AIG1: variants seen among roughly 807,000 people sequenced by gnomAD.
AIG1 encodes the protein androgen induced 1, also known as androgen-induced gene 1 protein.
AIG1 carries 23 observed loss-of-function variants against 31.4 expected under a neutral mutation model. The ratio of observed to expected loss-of-function variants is 0.73; its 90% CI spans 0.53 to 1.04. AIG1 has a LOEUF of 1.04. Ranked by LOEUF, AIG1 falls within the 50% of genes least tolerant of loss-of-function variation. AIG1 has a pLI of 0.00. For synonymous variants in AIG1, 100 were observed against 110.5 expected (o/e 0.90, Z 0.60); for missense variants, 274 against 295.0 (o/e 0.93, Z 0.52).
intron 3 of AIG1, among the ~76,000 whole-genome samples, chr6:143,200,986 C>A (rs76921910): frequency 5.3e-5 from 8 of 152,090 alleles, no homozygotes; most frequent in Non-Finnish European, 1.0e-4. Flanking sequence ...GAAATTTGGA[C>A]TCCCACATCC....
chr6:143,082,565 A>G (rs1206499765), intron 1 of AIG1, among the ~76,000 whole-genome samples: 6 of 152,212 alleles, frequency 3.9e-5, no homozygotes, highest in Non-Finnish European at 8.8e-5. Flanking sequence ...TATGCTGTTC[A>G]CATCATGAGA....
At chr6:143,073,936 T>C (rs912743355) in intron 1 of AIG1, among the ~76,000 whole-genome samples, 1 of 152,154 alleles carries the variant, frequency 6.6e-6, no homozygotes, top group South Asian at 2.1e-4. Context: ...ACCTCCAACA[T>C]TGGGGATTAC....
intron 3 of AIG1, among the ~76,000 whole-genome samples, chr6:143,254,267 G>A (rs1167591298): frequency 6.6e-6 from 1 of 152,180 alleles, no homozygotes; most frequent in Admixed American, 6.5e-5. Context: ...TTGATTCTCA[G>A]TTGTACTGAA....
chr6:143,328,482 A>G lies in AIG1; in HGVS notation c.516-4800A>G, dbSNP rs1776787959. Among the ~76,000 whole-genome samples, 1 of 152,114 alleles carries G rather than the reference A, an allele frequency of 6.6e-6. No homozygotes were observed. The highest frequency in any genetic ancestry group is 2.4e-5 in the African/African-American group (1 of 41,414). On this transcript the variant is annotated intron_variant, in intron 4 of 5. Coordinates refer to ENST00000357847, the MANE Select transcript of AIG1 (RefSeq NM_016108.4). This position sits in a 1 kb window ranked among gnomAD's most constrained non-coding sequence, Gnocchi z 4.0. ...AAAAGTTGGGGAATAATCCCTGTGT[A>G]CCCATGGCACGCCTACACTTACCCT...
At chr6:143,176,422 T>G (rs1788165067) in intron 3 of AIG1, among the ~76,000 whole-genome samples, 1 of 152,166 alleles carries the variant, frequency 6.6e-6, no homozygotes, top group Admixed American at 6.5e-5. Context: ...AAGAGATTGT[T>G]TTTTGTCTTG....
At position 143,339,966 on chromosome 6, in the gene AIG1, T is replaced by A. The variant is rs1485220660; in HGVS notation, c.*290T>A. 4 of 271,788 alleles carry A rather than the reference T, an allele frequency of 1.5e-5. No homozygotes were observed. Among genetic ancestry groups the A allele is most frequent in the African/African-American group, 8.9e-5 (4 of 44,878 alleles). 16.8% of individuals were successfully genotyped at this position (271,788 alleles called of 1,614,324 possible). ...CAGAATTGGACCTTGGATTTTTATT[T>A]TGGCAATTGTAACTCCATCTAATCA... On this transcript the variant is annotated 3_prime_UTR_variant, in exon 6 of 6. Transcript: ENST00000357847.
chr6:143,270,770 C>G (rs1252452322), intron 3 of AIG1, among the ~76,000 whole-genome samples: 2 of 152,124 alleles, frequency 1.3e-5, no homozygotes, highest in African/African-American at 2.4e-5. Context: ...CTGAAATATT[C>G]TTCATTCTTT....
At chr6:143,218,742 C>T (rs1458199277) in intron 3 of AIG1, among the ~76,000 whole-genome samples, 2 of 152,154 alleles carry the variant, frequency 1.3e-5, no homozygotes, top group Non-Finnish European at 2.9e-5. Context: ...AAATGAAGGA[C>T]GCTTCATTCA....
chr6:143,278,248 A>C (rs906331717), intron 3 of AIG1, among the ~76,000 whole-genome samples: 3 of 152,218 alleles, frequency 2.0e-5, no homozygotes. Context: ...GTTAGAAGGT[A>C]CAACTACAAC....
At chr6:143,318,616 A>G (rs1562588944) in intron 4 of AIG1, among the ~76,000 whole-genome samples, 1 of 152,040 alleles carries the variant, frequency 6.6e-6, no homozygotes, top group South Asian at 2.1e-4. Context: ...TGCAATGAAA[A>G]CAAAGATAAA....
rs181768463 is a variant in AIG1 at position 143,333,880 on chromosome 6, T to C, written c.679+435T>C. Among the ~76,000 whole-genome samples the C allele has an allele frequency of 5.9e-5, 9 of 152,274 alleles. No homozygotes were observed. The highest frequency in any genetic ancestry group is 1.9e-4 in the African/African-American group (8 of 41,566). ...CACTTTCTATGTGGGTGCAGTCACCTGGGAGAGGTCTTACTACCATTCTGC... is the reference window on the plus strand; with the variant it reads ...CACTTTCTATGTGGGTGCAGTCACCCGGGAGAGGTCTTACTACCATTCTGC... On this transcript the variant is annotated intron_variant, in intron 5 of 5. Coordinates refer to ENST00000357847, the MANE Select transcript of AIG1 (RefSeq NM_016108.4). The surrounding 1 kb of genome is among the most constrained non-coding windows in gnomAD (Gnocchi z 4.6).
rs1338330295 is a variant in AIG1, at chr6:143,299,227, T to G, written c.515+15002T>G. ...GACATCCAGGACAGAGCAGTACCAC[T>G]TCTCCTTAGCATCATGTACAATTTC... On this transcript the variant is annotated intron_variant, in intron 4 of 5. Coordinates refer to ENST00000357847, the MANE Select transcript of AIG1 (RefSeq NM_016108.4). The surrounding 1 kb of genome is among the most constrained non-coding windows in gnomAD (Gnocchi z 4.1). 1 of 152,218 alleles carries G rather than the reference T, an allele frequency of 6.6e-6. No individual in the cohort carries two copies. Among genetic ancestry groups the G allele is most frequent in the East Asian group, 1.9e-4 (1 of 5,192 alleles). The allele number at this position is 152,218 out of a possible 1,614,324, so 9.4% of individuals were successfully genotyped here.
At chr6:143,257,565 T>A (rs930098021) in intron 3 of AIG1, among the ~76,000 whole-genome samples, 16 of 152,098 alleles carry the variant, frequency 1.1e-4, no homozygotes, top group Admixed American at 6.6e-4. Flanking sequence ...GCCTGCTTTT[T>A]TTGGTTTCTT....
intron 1 of AIG1, among the ~76,000 whole-genome samples, chr6:143,134,577 A>T (rs1268283768): frequency 6.6e-6 from 1 of 152,034 alleles, no homozygotes; most frequent in Non-Finnish European, 1.5e-5. Flanking sequence ...TATGACTAGT[A>T]CACATATATG....
At chr6:143,222,962 A>G (rs771960560) in intron 3 of AIG1, among the ~76,000 whole-genome samples, 9 of 152,252 alleles carry the variant, frequency 5.9e-5, no homozygotes, top group South Asian at 4.1e-4. Context: ...AGAAAAGGGT[A>G]ACATTTTCCA....
chr6:143,154,790 C>T (rs1268369888), intron 2 of AIG1, among the ~76,000 whole-genome samples: 1 of 152,018 alleles, frequency 6.6e-6, no homozygotes, highest in African/African-American at 2.4e-5. Flanking sequence ...GTGTTATCTT[C>T]CAATTTATGA....
At position 143,268,579 on chromosome 6, in the gene AIG1, C is replaced by T. The variant is rs79728512; in HGVS notation, c.400-15531C>T. The stretch of plus-strand genomic sequence containing the variant: ...ATTAGGTGGTGGTAAGGAATTTAAT[C>T]ATGTACTGACCAATTTCTTGTTTCA... On this transcript the variant is annotated intron_variant, in intron 3 of 5. Coordinates refer to ENST00000357847, the MANE Select transcript of AIG1 (RefSeq NM_016108.4). The surrounding 1 kb of genome is among the most constrained non-coding windows in gnomAD (Gnocchi z 5.0). Among the ~76,000 whole-genome samples, 10,571 of 152,256 alleles carry T rather than the reference C, an allele frequency of 0.069. 466 individuals carry two copies. Among genetic ancestry groups the T allele is most frequent in the Non-Finnish European group, 0.1 (6,964 of 68,022 alleles).
intron 3 of AIG1, among the ~76,000 whole-genome samples, chr6:143,220,835 T>C (rs1364050378): frequency 1.3e-5 from 2 of 152,226 alleles, no homozygotes; most frequent in Non-Finnish European, 2.9e-5. Flanking sequence ...TTAAAAGTTC[T>C]TTCTTATCTT....
intron 3 of AIG1, among the ~76,000 whole-genome samples, chr6:143,181,055 G>A (rs937535414): frequency 6.6e-6 from 1 of 152,120 alleles, no homozygotes; most frequent in Non-Finnish European, 1.5e-5. Context: ...CCAGCTCTGG[G>A]ATACACAGAT....
Sources: gnomAD v4.1 joint callset for allele counts (sites outside exome capture counted in the v4.1 genomes callset) on GRCh38, gnomAD v4.1.1 for gene constraint, Gnocchi (gnomAD v3.1) non-coding constraint, MANE v1.5 for transcripts, NCBI Gene and HGNC (gene_info 2026-07-23, HGNC 2026-07-21) for gene names.